Variants in DCC observed in about 807,000 individuals in gnomAD.
DCC encodes the protein netrin receptor DCC.
In DCC, 58 loss-of-function variants were observed where a neutral mutation model predicts 172.5. The ratio of observed to expected loss-of-function variants is 0.34; its 90% CI spans 0.27 to 0.42. DCC has a LOEUF of 0.42. DCC is among the 10% of genes least tolerant of loss of function. The pLI, the probability that DCC is intolerant of heterozygous loss-of-function variation, is 1.00. For synonymous variants in DCC, 709 were observed against 644.5 expected, an observed-to-expected ratio of 1.10 and a Z score of -1.52; for missense variants, 1,740 against 1,791.0, an observed-to-expected ratio of 0.97 and a Z score of 0.51.
At chr18:52,989,178 A>G (rs1388175999) in intron 5 of DCC, among the ~76,000 whole-genome samples, 1 of 152,058 alleles carries the variant, frequency 6.6e-6, no homozygotes, top group Non-Finnish European at 1.5e-5. Flanking sequence ...TAGTTTTTTA[A>G]TCTTCAGAAT....
At chr18:53,085,924 A>G in intron 7 of DCC, among the ~76,000 whole-genome samples, 1 of 143,476 alleles carries the variant, frequency 7.0e-6, no homozygotes, top group African/African-American at 2.6e-5. Flanking sequence ...TAAAATCCAG[A>G]CCTCTGTCAT....
chr18:53,273,617 G>A (rs1015620078), intron 12 of DCC, among the ~76,000 whole-genome samples: 4 of 151,986 alleles, frequency 2.6e-5, no homozygotes, highest in African/African-American at 9.7e-5. Flanking sequence ...TTGCAAATAA[G>A]TTCTGAGTTT....
rs773351542 is a variant in DCC at position 53,230,800 on chromosome 18, CTG to C, written c.1911+15207_1911+15208del. Among the ~76,000 whole-genome samples the C allele has an allele frequency of 2.6e-5, 4 of 151,814 alleles. No homozygotes were observed. In the South Asian group the frequency reaches 6.3e-4, roughly 24 times the overall value. On this transcript the variant is annotated intron_variant, in intron 12 of 28. Transcript: ENST00000442544. ...TTCAATTTAGAATACTAGATGAAAA[CTG>C]TGTTTCAATCATTCACCTGTATGAT...
chr18:52,482,951 G>A (rs1042033731), intron 1 of DCC, among the ~76,000 whole-genome samples: 1 of 152,056 alleles, frequency 6.6e-6, no homozygotes, highest in Non-Finnish European at 1.5e-5. Flanking sequence ...TAATTGAAAT[G>A]TATTTATTTT....
chr18:53,169,292 C>G (rs567380033), intron 8 of DCC, among the ~76,000 whole-genome samples: 2 of 152,298 alleles, frequency 1.3e-5, no homozygotes, highest in South Asian at 2.1e-4. Flanking sequence ...ACTCAAAGTT[C>G]TTAAAACTAG....
At chr18:52,417,932 C>T (rs917864029) in intron 1 of DCC, among the ~76,000 whole-genome samples, 17 of 152,088 alleles carry the variant, frequency 1.1e-4, no homozygotes, top group African/African-American at 2.7e-4. Context: ...CGTTCCTTTG[C>T]GAGAAGAAGC....
chr18:52,991,680 G>T (rs2145623155), intron 5 of DCC, among the ~76,000 whole-genome samples: 2 of 152,178 alleles, frequency 1.3e-5, no homozygotes, highest in African/African-American at 4.8e-5. Context: ...GATGCTTCCT[G>T]CTTAAACTGA....
chr18:53,146,944 A>C (rs985320493), intron 7 of DCC, among the ~76,000 whole-genome samples: 1 of 152,212 alleles, frequency 6.6e-6, no homozygotes, highest in African/African-American at 2.4e-5. Context: ...ATTTTTTTAA[A>C]TTAAAAAAGA....
chr18:53,123,709 A>T (rs1415084253), intron 7 of DCC, among the ~76,000 whole-genome samples: 5 of 151,866 alleles, frequency 3.3e-5, no homozygotes, highest in Non-Finnish European at 5.9e-5. Context: ...CATTCTTTCT[A>T]TTACTTTCTT....
chr18:52,577,938 A>G (rs1158406179), intron 1 of DCC, among the ~76,000 whole-genome samples: 1 of 152,162 alleles, frequency 6.6e-6, no homozygotes, highest in African/African-American at 2.4e-5. Context: ...AGAGGAGATG[A>G]TTTCACCTAC....
intron 15 of DCC, among the ~76,000 whole-genome samples, chr18:53,362,156 C>A (rs2057954694): frequency 6.6e-6 from 1 of 152,128 alleles, no homozygotes; most frequent in East Asian, 1.9e-4. Context: ...GCCATACCAT[C>A]TTTTATTATT....
At chr18:53,018,482 T>C (rs2041838073) in intron 5 of DCC, among the ~76,000 whole-genome samples, 1 of 152,192 alleles carries the variant, frequency 6.6e-6, no homozygotes, top group South Asian at 2.1e-4. Context: ...ACTTATGCCC[T>C]ACTAACTATA....
chr18:52,770,718 A>G (rs183581000), intron 2 of DCC, among the ~76,000 whole-genome samples: 2 of 152,348 alleles, frequency 1.3e-5, no homozygotes, highest in East Asian at 1.9e-4. Flanking sequence ...AAGTAATCCA[A>G]TGAAAAGTCA....
At chr18:53,242,701 T>A (rs73957120) in intron 12 of DCC, among the ~76,000 whole-genome samples, 4,743 of 152,224 alleles carry the variant, frequency 0.031, 229 homozygotes, top group African/African-American at 0.098. Flanking sequence ...AGTTTACACA[T>A]CTCTACAAAA....
At chr18:52,950,862 T>C (rs1242612094) in intron 5 of DCC, among the ~76,000 whole-genome samples, 1 of 136,676 alleles carries the variant, frequency 7.3e-6, no homozygotes, top group Non-Finnish European at 1.5e-5. Flanking sequence ...GAGGCGGAGC[T>C]TGCAGTGAGC....
intron 1 of DCC, among the ~76,000 whole-genome samples, chr18:52,502,271 T>A (rs776872738): frequency 5.9e-5 from 9 of 152,060 alleles, no homozygotes; most frequent in Non-Finnish European, 1.3e-4. Flanking sequence ...AAGAAAAAAA[T>A]GTTCAATCCA....
chr18:52,791,520 C>G (rs62083264), intron 2 of DCC, among the ~76,000 whole-genome samples: 1 of 151,760 alleles, frequency 6.6e-6, no homozygotes, highest in African/African-American at 2.4e-5. Context: ...CTGGCATCAC[C>G]AACCGTGGCT....
intron 8 of DCC, among the ~76,000 whole-genome samples, chr18:53,164,031 G>A (rs575773524): frequency 5.6e-4 from 86 of 152,220 alleles, no homozygotes; most frequent in Middle Eastern, 6.8e-3. Flanking sequence ...CTAGAATTTC[G>A]TGCAGACCAT....
rs114057009 is a variant in DCC at position 52,420,949 on chromosome 18, T to A, written c.91+80071T>A. On this transcript the variant is annotated intron_variant, in intron 1 of 28. Transcript: ENST00000442544. ...GATTTAAGGACTTATTCAGATCAATTCACTTTCAGTGCTACAGGATTGCAA... is the reference window on the plus strand; with the variant it reads ...GATTTAAGGACTTATTCAGATCAATACACTTTCAGTGCTACAGGATTGCAA... 3.2e-3 allele frequency among the ~76,000 whole-genome samples: 488 copies of A among 152,260 alleles called. 5 individuals are homozygous for A. Among genetic ancestry groups the A allele is most frequent in the African/African-American group, 0.011 (437 of 41,556 alleles).
Sources: gnomAD v4.1 joint callset for allele counts (sites outside exome capture counted in the v4.1 genomes callset) on GRCh38, gnomAD v4.1.1 for gene constraint, MANE v1.5 for transcripts, NCBI Gene and HGNC (gene_info 2026-07-23, HGNC 2026-07-21) for gene names.